The following ESYT2 variants were observed in gnomAD, a reference collection of about 807,000 sequenced individuals.
The protein encoded by ESYT2 is extended synaptotagmin 2.
ESYT2 carries 54 observed loss-of-function variants against 107.2 expected under a neutral mutation model. That is an observed-to-expected ratio of 0.50 (90% CI 0.40 to 0.63). The LOEUF (loss-of-function observed/expected upper bound fraction) is 0.63, where lower values mean the gene tolerates loss of function less well. Ranked by LOEUF, ESYT2 falls within the 30% of genes least tolerant of loss-of-function variation. The pLI is 0.00. For synonymous variants in ESYT2, 491 were observed against 434.1 expected, an observed-to-expected ratio of 1.13 and a Z score of -1.63; for missense variants, 1,020 against 1,094.5, an observed-to-expected ratio of 0.93 and a Z score of 0.96.
At position 158,734,135 on chromosome 7, in the gene ESYT2, C is replaced by A; in HGVS notation, c.*72G>T. 1 of 1,486,266 alleles carries A rather than the reference C, an allele frequency of 6.7e-7. No homozygotes were observed. The highest frequency in any genetic ancestry group is 9.3e-7 in the Non-Finnish European group (1 of 1,069,908). The allele number at this position is 1,486,266 out of a possible 1,614,324, so 92.1% of individuals were successfully genotyped here. ...TGAAATTATAAAAATAACATTGGTACGTCTGTGAGAGGGTGTGTTCCGGGT... is the reference window on the plus strand; with the variant it reads ...TGAAATTATAAAAATAACATTGGTAAGTCTGTGAGAGGGTGTGTTCCGGGT... On this transcript the variant is annotated 3_prime_UTR_variant, in exon 23 of 23. Transcript: ENST00000275418.
At position 158,757,647 on chromosome 7, in the gene ESYT2, C is replaced by T. The variant is rs59203106; in HGVS notation, c.1419+1839G>A. ...GAGCCCGCGGGACGCCCCTTAATCCCGCGCCAGGCACCCCGCGGCTCTGCA... is the reference window on the plus strand; with the variant it reads ...GAGCCCGCGGGACGCCCCTTAATCCTGCGCCAGGCACCCCGCGGCTCTGCA... On this transcript the variant is annotated intron_variant, in intron 13 of 22. Coordinates refer to ENST00000275418, the MANE Select transcript of ESYT2 (RefSeq NM_001367773.1). Among the ~76,000 whole-genome samples, 1,531 of 137,354 alleles carry T rather than the reference C, an allele frequency of 0.011. 51 individuals carry two copies. The East Asian group carries it at 0.18, about 16-fold the overall frequency. The allele number at this position is 137,354 out of a possible 152,430, so 90.1% of individuals were successfully genotyped here.
intron 17 of ESYT2, among the ~76,000 whole-genome samples, chr7:158,742,189 G>A (rs1163881085): frequency 1.3e-5 from 2 of 152,048 alleles, no homozygotes; most frequent in Non-Finnish European, 2.9e-5. Flanking sequence ...AGATCCTCCC[G>A]CCTCAGCCTG....
chr7:158,795,790 G>C (rs1216651927), intron 3 of ESYT2, among the ~76,000 whole-genome samples: 1 of 152,250 alleles, frequency 6.6e-6, no homozygotes, highest in Non-Finnish European at 1.5e-5. Flanking sequence ...GGCGTCCCGT[G>C]TAGAGACATG....
chr7:158,822,459 C>T (rs1204087397), intron 1 of ESYT2, among the ~76,000 whole-genome samples: 1 of 152,032 alleles, frequency 6.6e-6, no homozygotes, highest in Non-Finnish European at 1.5e-5. Context: ...GTATAGCATC[C>T]GTGTTTAAGG....
At chr7:158,767,604 C>A in intron 8 of ESYT2, 50 bp downstream of exon 8, 2 of 1,583,304 alleles carry the variant, frequency 1.3e-6, no homozygotes, top group Non-Finnish European at 8.6e-7. Context: ...CGCAGGCAGG[C>A]AGGTCTCCAA....
intron 6 of ESYT2, among the ~76,000 whole-genome samples, chr7:158,783,476 T>A (rs1009043566): frequency 6.6e-5 from 10 of 152,216 alleles, no homozygotes; most frequent in African/African-American, 2.4e-4. Flanking sequence ...ATTTAGCAGA[T>A]CTGGGCTGTT....
At chr7:158,737,624 G>A (rs1412852382) in intron 19 of ESYT2, among the ~76,000 whole-genome samples, 1 of 152,128 alleles carries the variant, frequency 6.6e-6, no homozygotes, top group Non-Finnish European at 1.5e-5. Flanking sequence ...TTCGCTTGCT[G>A]ACTGACCACA....
chr7:158,756,190 C>T (rs1837750067), intron 13 of ESYT2, among the ~76,000 whole-genome samples: 1 of 152,176 alleles, frequency 6.6e-6, no homozygotes, highest in African/African-American at 2.4e-5. Flanking sequence ...TACTAAGGGA[C>T]AACTGGGCCG....
intron 4 of ESYT2, among the ~76,000 whole-genome samples, chr7:158,789,297 C>T (rs552863254): frequency 6.6e-6 from 1 of 152,326 alleles, no homozygotes; most frequent in South Asian, 2.1e-4. Context: ...AAAATCACCA[C>T]TAACCTGTTG....
intron 20 of ESYT2, among the ~76,000 whole-genome samples, chr7:158,736,152 C>T (rs955018816): frequency 2.2e-5 from 3 of 136,184 alleles, no homozygotes; most frequent in Non-Finnish European, 4.7e-5. Flanking sequence ...CTGCCCCAGG[C>T]CACCGTGCTG....
chr7:158,823,548 A>G (rs572722287), intron 1 of ESYT2, among the ~76,000 whole-genome samples: 2 of 151,842 alleles, frequency 1.3e-5, no homozygotes, highest in African/African-American at 4.8e-5. Flanking sequence ...GGATGGTCTC[A>G]ATCTCCTGAC....
chr7:158,758,009 T>C (rs552918908), intron 13 of ESYT2, among the ~76,000 whole-genome samples: 1 of 152,282 alleles, frequency 6.6e-6, no homozygotes, highest in Admixed American at 6.5e-5. Flanking sequence ...AAATACTTAA[T>C]GAAATAACTT....
chr7:158,828,694 G>A (rs1275888511), intron 1 of ESYT2, among the ~76,000 whole-genome samples: 1 of 152,232 alleles, frequency 6.6e-6, no homozygotes, highest in African/African-American at 2.4e-5. Context: ...ACTAGGGCGG[G>A]AGCGGCGAGC....
chr7:158,782,453 C>CGTGAGTGAACGAGTGTGAGAACA (rs1838925303), intron 6 of ESYT2, among the ~76,000 whole-genome samples: 4 of 127,414 alleles, frequency 3.1e-5, no homozygotes, highest in African/African-American at 9.0e-5. Flanking sequence ...AGAACGAGAA[C>CGTGAGTGAACGAGTGTGAGAACA]AAGTGAGTGA....
chr7:158,829,033 G>A (rs1169609685), intron 1 of ESYT2, 56 bp downstream of exon 1: 4 of 1,554,188 alleles, frequency 2.6e-6, no homozygotes, highest in East Asian at 2.4e-5. Flanking sequence ...CTGCCTGGAC[G>A]AGGGGAGATC....
In ESYT2 at chr7:158,783,487, G is replaced by T. The variant is rs114480395; in HGVS notation, c.747+4517C>A. On this transcript the variant is annotated intron_variant, in intron 6 of 22. Transcript: ENST00000275418. The stretch of plus-strand genomic sequence containing the variant: ...TTTTATTTAGCAGATCTGGGCTGTT[G>T]GTAAAGTTCAAAAATGTTTTTCTTA... Among the ~76,000 whole-genome samples the T allele has an allele frequency of 7.3e-3, 1,110 of 152,256 alleles. 28 individuals carry two copies. The highest frequency in any genetic ancestry group is 0.026 in the African/African-American group (1,075 of 41,534).
intron 1 of ESYT2, among the ~76,000 whole-genome samples, chr7:158,817,222 TAAGACTG>T (rs1840170896): frequency 6.6e-6 from 1 of 152,152 alleles, no homozygotes; most frequent in African/African-American, 2.4e-5. Flanking sequence ...GACACAGACT[TAAGACTG>T]ACAGAACTGA....
chr7:158,772,105 G>T (rs1054991780), intron 7 of ESYT2, among the ~76,000 whole-genome samples: 1 of 151,224 alleles, frequency 6.6e-6, no homozygotes, highest in African/African-American at 2.4e-5. Context: ...CTGGGCAACA[G>T]AGTGAGATTC....
At chr7:158,827,175 A>AAAG (rs1554429177) in intron 1 of ESYT2, among the ~76,000 whole-genome samples, 7 of 151,916 alleles carry the variant, frequency 4.6e-5, no homozygotes, top group African/African-American at 1.4e-4. Flanking sequence ...AAAAAAAAAA[A>AAAG]AAAGAAAAGA....
Sources: gnomAD v4.1 joint callset for allele counts (sites outside exome capture counted in the v4.1 genomes callset) on GRCh38, gnomAD v4.1.1 for gene constraint, MANE v1.5 for transcripts, NCBI Gene and HGNC (gene_info 2026-07-23, HGNC 2026-07-21) for gene names.